Variants in TTC6 observed in about 807,000 individuals in gnomAD.
The protein encoded by TTC6 is tetratricopeptide repeat domain 6, also known as tetratricopeptide repeat protein 6.
Under a neutral mutation model 210.4 loss-of-function variants are expected in TTC6, and 172 were observed. That is an observed-to-expected ratio of 0.82 (90% CI 0.72 to 0.93). The LOEUF is 0.93. TTC6 is among the 40% of genes least tolerant of loss of function. The pLI, the probability that TTC6 is intolerant of heterozygous loss-of-function variation, is 0.00. For synonymous variants in TTC6, 804 were observed against 819.6 expected, an observed-to-expected ratio of 0.98 and a Z score of 0.32; for missense variants, 2,414 against 2,318.1, an observed-to-expected ratio of 1.04 and a Z score of -0.85.
intron 10 of TTC6, among the ~76,000 whole-genome samples, chr14:37,746,998 G>A (rs2095938041): frequency 6.6e-6 from 1 of 152,148 alleles, no homozygotes; most frequent in Non-Finnish European, 1.5e-5. Flanking sequence ...ACAAAGTTTA[G>A]AGGGTACTTA....
chr14:37,804,786 G>T (rs1448871764), exon 21 of TTC6: 1 of 1,613,924 alleles, frequency 6.2e-7, no homozygotes, highest in Non-Finnish European at 8.5e-7. Context: ...TTGGGTCTTT[G>T]TTACATGGAG....
At chr14:37,635,981 C>CAAAAAAAAAAAAAAAAAAAAAAA (rs71433909) in intron 1 of TTC6, among the ~76,000 whole-genome samples, 2 of 70,362 alleles carry the variant, frequency 2.8e-5, no homozygotes, top group South Asian at 4.6e-4. Context: ...ATTCCATTTC[C>CAAAAAAAAAAAAAAAAAAAAAAA]AAAAAAAAAA....
chr14:37,800,067 T>G (rs1048704545), intron 20 of TTC6, among the ~76,000 whole-genome samples: 31 of 152,150 alleles, frequency 2.0e-4, no homozygotes, highest in Non-Finnish European at 1.6e-4. Flanking sequence ...AACAAATACC[T>G]GCAAATGTAG....
At position 37,722,529 on chromosome 14, in the gene TTC6, TG is replaced by T. The variant is rs560379743; in HGVS notation, c.1714-2368del. Among the ~76,000 whole-genome samples the T allele has an allele frequency of 2.6e-3, 397 of 152,288 alleles. 3 individuals are homozygous for T. Among genetic ancestry groups the T allele is most frequent in the African/African-American group, 9.1e-3 (378 of 41,556 alleles). ...CACCTGGCTAATTTTTAAATTTTTTTGTAGGGTCTTACTATGTTGCTCAAGC... is the reference window on the plus strand; with the variant it reads ...CACCTGGCTAATTTTTAAATTTTTTTTAGGGTCTTACTATGTTGCTCAAGC... On this transcript the variant is annotated intron_variant, in intron 6 of 30. Coordinates refer to ENST00000553443, the Ensembl canonical transcript of TTC6.
At chr14:37,692,208 C>CAAAAAAAAAAACAAA (rs2095804781) in intron 3 of TTC6, among the ~76,000 whole-genome samples, 1 of 40,154 alleles carries the variant, frequency 2.5e-5, no homozygotes, top group Non-Finnish European at 3.9e-5. Context: ...AAAGACACAC[C>CAAAAAAAAAAACAAA]AAAAAAAAAA....
At chr14:37,617,112 G>A (rs1175466911), upstream of TTC6, among the ~76,000 whole-genome samples, 1 of 152,106 alleles carries the variant, frequency 6.6e-6, no homozygotes, top group East Asian at 1.9e-4. Flanking sequence ...CTGGGCTCAA[G>A]CGATTCTCCC....
Position 37,766,940 on chromosome 14 carries a change from A to T in TTC6, c.3266+13705A>T, listed in dbSNP as rs187113724. On this transcript the variant is annotated intron_variant, in intron 14 of 30. Coordinates refer to ENST00000553443, the Ensembl canonical transcript of TTC6. ...AGCATTAGGTATATCTCCCAATGCTATCCCTCTCCCCTCCCCACATCCCAC... is the reference window on the plus strand; with the variant it reads ...AGCATTAGGTATATCTCCCAATGCTTTCCCTCTCCCCTCCCCACATCCCAC... Among the ~76,000 whole-genome samples the T allele has an allele frequency of 3.9e-5, 5 of 129,420 alleles. No homozygotes were observed. In the East Asian group the frequency reaches 1.0e-3, roughly 27 times the overall value. The allele number at this position is 129,420 out of a possible 152,430, so 84.9% of individuals were successfully genotyped here.
At chr14:37,759,904 C>T (rs1180998895) in intron 14 of TTC6, among the ~76,000 whole-genome samples, 1 of 152,118 alleles carries the variant, frequency 6.6e-6, no homozygotes, top group East Asian at 1.9e-4. Flanking sequence ...TTCCTGTTAA[C>T]CTGTTATCAA....
At chr14:37,720,735 A>G in intron 6 of TTC6, among the ~76,000 whole-genome samples, 1 of 152,210 alleles carries the variant, frequency 6.6e-6, no homozygotes, top group East Asian at 1.9e-4. Flanking sequence ...TCCAATTCTA[A>G]AAGATTACAT....
intron 1 of TTC6, among the ~76,000 whole-genome samples, chr14:37,668,132 C>G (rs1183773448): frequency 1.4e-5 from 2 of 147,720 alleles, no homozygotes; most frequent in Non-Finnish European, 3.0e-5. Context: ...GAGACTTCAT[C>G]TAAAAAAAAA....
chr14:37,633,269 A>G (rs1445570177), intron 1 of TTC6, among the ~76,000 whole-genome samples: 1 of 152,222 alleles, frequency 6.6e-6, no homozygotes, highest in African/African-American at 2.4e-5. Flanking sequence ...ACCCGAGGGA[A>G]TCTCCTGGTC....
intron 29 of TTC6, among the ~76,000 whole-genome samples, chr14:37,830,858 T>C (rs1176430129): frequency 2.0e-5 from 3 of 152,152 alleles, no homozygotes; most frequent in African/African-American, 7.2e-5. Flanking sequence ...TTTTGATATG[T>C]GCATACAATG....
At chr14:37,596,263 G>A (rs1217820273) in intron 1 of TTC6, among the ~76,000 whole-genome samples, 2 of 152,244 alleles carry the variant, frequency 1.3e-5, no homozygotes, top group Non-Finnish European at 1.5e-5. Context: ...AAAGGTCAGG[G>A]GGAGGGGACA....
chr14:37,765,017 T>A (rs2095994556), intron 14 of TTC6, among the ~76,000 whole-genome samples: 1 of 152,016 alleles, frequency 6.6e-6, no homozygotes. Flanking sequence ...GTCTTTGTGA[T>A]TACCTTTGAA....
In TTC6 at chr14:37,622,754, C is replaced by G. The variant is rs763092362; in HGVS notation, c.690C>G (p.Phe230Leu). ...GGAAAGTGAGGATCCGCAGCAACTT[C>G]GTGAGCGAGAGCGGGGCCCGCGAGG... is the stretch of plus-strand genomic sequence containing the variant. The change falls in exon 1 of 31, where the codon TTC (phenylalanine) becomes TTG (leucine). Residue 230 changes from phenylalanine to leucine, a missense_variant. Transcript: ENST00000553443. The G allele has an allele frequency of 6.5e-6, 10 of 1,535,048 alleles. No homozygotes were observed. In the South Asian group the frequency reaches 9.5e-5, roughly 15 times the overall value.
chr14:37,837,970 T>C (rs1040221232), intron 29 of TTC6, among the ~76,000 whole-genome samples: 2 of 152,190 alleles, frequency 1.3e-5, no homozygotes, highest in African/African-American at 4.8e-5. Context: ...AGACAAGAAC[T>C]AGAATGTGTT....
Position 37,750,363 on chromosome 14 carries a change from G to T in TTC6, c.2956+520G>T, listed in dbSNP as rs1357097051. ...AACATACCCATAAAATAAAACATGA[G>T]CTTAATAAATGATTTTTGACCTGTG... On this transcript the variant is annotated intron_variant, in intron 12 of 30. Transcript: ENST00000553443. Among the ~76,000 whole-genome samples, 3 of 152,198 alleles carry T rather than the reference G, an allele frequency of 2.0e-5. No individual in the cohort carries two copies. The East Asian group carries it at 5.8e-4, about 29-fold the overall frequency.
chr14:37,670,146 G>A (rs933089390), intron 1 of TTC6, among the ~76,000 whole-genome samples: 20 of 152,102 alleles, frequency 1.3e-4, no homozygotes, highest in African/African-American at 4.3e-4. Context: ...CTGTTTGTTA[G>A]GGGACTTACA....
intron 5 of TTC6, among the ~76,000 whole-genome samples, chr14:37,713,151 C>T (rs1244598281): frequency 1.3e-5 from 2 of 152,106 alleles, no homozygotes; most frequent in East Asian, 3.9e-4. Flanking sequence ...TGCTCACTGG[C>T]AAAAAACAAA....
Sources: gnomAD v4.1 joint callset for allele counts (sites outside exome capture counted in the v4.1 genomes callset) on GRCh38, gnomAD v4.1.1 for gene constraint, MANE v1.5 for transcripts, NCBI Gene and HGNC (gene_info 2026-07-23, HGNC 2026-07-21) for gene names.